GXYLT2: variants seen among roughly 807,000 people sequenced by gnomAD.
GXYLT2 encodes glycosyltransferase 8 domain containing 4.
Under a neutral mutation model 45.8 loss-of-function variants are expected in GXYLT2, and 53 were observed. The ratio of observed to expected loss-of-function variants is 1.16; its 90% CI spans 0.93 to 1.46. The LOEUF is 1.46. Among genes scored for constraint, GXYLT2 ranks in the 40% most tolerant of loss-of-function variants. The pLI is 0.00. For synonymous variants in GXYLT2, 219 were observed against 214.2 expected (o/e 1.02, Z -0.19); for missense variants, 551 against 544.4 (o/e 1.01, Z -0.12).
chr3:72,917,213 T>C (rs1709759062), intron 2 of GXYLT2, among the ~76,000 whole-genome samples: 1 of 152,122 alleles, frequency 6.6e-6, no homozygotes, highest in Non-Finnish European at 1.5e-5. Context: ...TGTTAGAGGA[T>C]GCCGAGAGCT....
rs191076883 is a variant in GXYLT2, at chr3:72,922,898, C to T, written c.600+563C>T. On this transcript the variant is annotated intron_variant, in intron 3 of 6. Coordinates refer to ENST00000389617, the MANE Select transcript of GXYLT2 (RefSeq NM_001080393.2). Reference sequence around the variant, plus strand: ...CTTGGGGAGGCCAAGGCAGGCGGATCACTTGAGCACAGGAGTTTGAGACCA... The same window carrying T: ...CTTGGGGAGGCCAAGGCAGGCGGATTACTTGAGCACAGGAGTTTGAGACCA... Among the ~76,000 whole-genome samples, 697 of 152,284 alleles carry T rather than the reference C, an allele frequency of 4.6e-3. 5 individuals carry two copies. Among genetic ancestry groups the T allele is most frequent in the African/African-American group, 0.016 (669 of 41,542 alleles).
chr3:72,888,274 C>T lies in GXYLT2; in HGVS notation c.41C>T (p.Ala14Val). Residue 14 changes from alanine (A) to valine (V), a missense_variant, in exon 1 of 7, where the codon GCG (alanine) becomes GTG (valine). Transcript: ENST00000389617. ...RSKAAALLLLALAALLLALLS... is the reference protein window; with the variant it reads ...RSKAAALLLLVLAALLLALLS... ...AAGGCGGCGGCGCTGCTCTTGCTCG[C>T]GCTGGCCGCGCTGCTGCTGGCGCTG... 1.0e-6 allele frequency: 1 copy of T among 994,476 alleles called. No individual in the cohort carries two copies. Among genetic ancestry groups the T allele is most frequent in the Non-Finnish European group, 1.2e-6 (1 of 838,504 alleles). The allele number at this position is 994,476 out of a possible 1,614,324, so 61.6% of individuals were successfully genotyped here. A position where few individuals can be genotyped will look rare whatever the true frequency, so the allele number is the denominator to read the frequency against.
At chr3:72,970,017 G>C (rs1257785206) in intron 6 of GXYLT2, among the ~76,000 whole-genome samples, 3 of 151,090 alleles carry the variant, frequency 2.0e-5, no homozygotes, top group South Asian at 2.1e-4. Flanking sequence ...TCAGGAGTTT[G>C]AGGTCAGCGC....
At chr3:72,898,892 C>T (rs889670473) in intron 1 of GXYLT2, among the ~76,000 whole-genome samples, 11 of 152,066 alleles carry the variant, frequency 7.2e-5, no homozygotes, top group South Asian at 2.1e-4. Context: ...CCACCATGCC[C>T]GGCTAATTTT....
intron 2 of GXYLT2, among the ~76,000 whole-genome samples, chr3:72,920,874 G>T (rs13317403): frequency 0.035 from 5,176 of 150,014 alleles, 116 homozygotes; most frequent in Middle Eastern, 0.11. Context: ...GAGTGCAGTG[G>T]CATGATCTCA....
intron 1 of GXYLT2, among the ~76,000 whole-genome samples, chr3:72,896,576 C>A (rs1292519786): frequency 6.7e-6 from 1 of 149,928 alleles, no homozygotes; most frequent in Admixed American, 6.7e-5. Context: ...TGGCCAGGCG[C>A]GGTGGCTTAA....
At chr3:72,967,929 A>G (rs948459496) in intron 6 of GXYLT2, among the ~76,000 whole-genome samples, 2 of 152,062 alleles carry the variant, frequency 1.3e-5, no homozygotes, top group African/African-American at 4.8e-5. Context: ...TACACCATTC[A>G]TTATCTTTTA....
intron 1 of GXYLT2, among the ~76,000 whole-genome samples, chr3:72,896,485 G>A (rs1709293707): frequency 6.6e-6 from 1 of 152,140 alleles, no homozygotes; most frequent in Admixed American, 6.5e-5. Context: ...ATGACTTGAG[G>A]AAACTGAGAC....
Position 72,890,838 on chromosome 3 carries a change from G to A in GXYLT2, c.275+2330G>A, listed in dbSNP as rs114795520. 9.7e-3 allele frequency among the ~76,000 whole-genome samples: 1,483 copies of A among 152,194 alleles called. 17 individuals are homozygous for A. Among genetic ancestry groups the A allele is most frequent in the Non-Finnish European group, 0.013 (859 of 68,014 alleles). ...TTTTGAACATATCTCTTAGATTATC[G>A]TGGAAATTATGGCCAACACCATAGG... On this transcript the variant is annotated intron_variant, in intron 1 of 6. Transcript: ENST00000389617.
At chr3:72,950,347 G>A (rs1050741825) in intron 3 of GXYLT2, among the ~76,000 whole-genome samples, 2 of 152,178 alleles carry the variant, frequency 1.3e-5, no homozygotes, top group Admixed American at 1.3e-4. Flanking sequence ...TGTAATCCCA[G>A]CTACTCCAGA....
intron 3 of GXYLT2, among the ~76,000 whole-genome samples, chr3:72,933,911 A>G (rs2107116967): frequency 6.6e-6 from 1 of 152,044 alleles, no homozygotes; most frequent in South Asian, 2.1e-4. Flanking sequence ...CTCAAAAATT[A>G]AGAATAATAA....
At chr3:72,915,470 A>C (rs1344434172) in intron 2 of GXYLT2, among the ~76,000 whole-genome samples, 1 of 151,386 alleles carries the variant, frequency 6.6e-6, no homozygotes, top group African/African-American at 2.4e-5. Flanking sequence ...TGCTCTGCAG[A>C]ACAAAACGAG....
intron 3 of GXYLT2, among the ~76,000 whole-genome samples, chr3:72,935,356 A>G (rs1710156220): frequency 6.6e-6 from 1 of 152,220 alleles, no homozygotes; most frequent in South Asian, 2.1e-4. Context: ...TAGCAATAAA[A>G]TGATCAGAAA....
rs1308422505 is a variant in GXYLT2, at chr3:72,929,175, A to G, written c.600+6840A>G. The G allele has an allele frequency of 9.4e-6, 15 of 1,588,956 alleles. No homozygotes were observed. The South Asian group carries it at 1.7e-4, about 17-fold the overall frequency. On this transcript the variant is annotated intron_variant, in intron 3 of 6. Coordinates refer to ENST00000389617, the MANE Select transcript of GXYLT2 (RefSeq NM_001080393.2). ...TCCATGTCTTACTACTTTGACCGCG[A>G]TGATGTGGCTTTGAAGAACTTTGCC...
intron 1 of GXYLT2, among the ~76,000 whole-genome samples, chr3:72,897,473 CAT>C (rs554137140): frequency 3.6e-4 from 55 of 152,334 alleles, no homozygotes; most frequent in African/African-American, 1.2e-3. Context: ...ACTTGAATAA[CAT>C]GTGTTTCCAA....
chr3:72,975,004 T>C lies in GXYLT2; in HGVS notation c.1177T>C (p.Ser393Pro), dbSNP rs1183514465. ...TCCCTTTCAAGACAATCTCTTTCAA[T>C]CCATGTATTACCCCCTTCAGCTGAA... ...DFPFQDNLFQ[S>P]MYYPLQLKFL... Residue 393 changes from serine (S) to proline (P), a missense_variant, in exon 7 of 7, where the codon TCC becomes CCC. Transcript: ENST00000389617. 6.3e-7 allele frequency: 1 copy of C among 1,594,054 alleles called. No homozygotes were observed. Among genetic ancestry groups the C allele is most frequent in the South Asian group, 1.1e-5 (1 of 87,970 alleles).
rs549504091 is a variant in GXYLT2 at position 72,973,195 on chromosome 3, G to A, written c.1150-1782G>A. ...GTCCAAAGTCCTGGGCTGGAGAGGA[G>A]TGTTCTACCAGCTGGGGGAGGGGCA... On this transcript the variant is annotated intron_variant, in intron 6 of 6. Coordinates refer to ENST00000389617, the MANE Select transcript of GXYLT2 (RefSeq NM_001080393.2). 3.3e-5 allele frequency among the ~76,000 whole-genome samples: 5 copies of A among 152,308 alleles called. No individual in the cohort carries two copies. The East Asian group carries it at 5.8e-4, about 18-fold the overall frequency.
intron 6 of GXYLT2, among the ~76,000 whole-genome samples, chr3:72,970,827 A>C (rs1233448025): frequency 6.6e-6 from 1 of 152,174 alleles, no homozygotes; most frequent in Non-Finnish European, 1.5e-5. Context: ...ATGCCATTGC[A>C]CTCCAGCCTG....
intron 3 of GXYLT2, among the ~76,000 whole-genome samples, chr3:72,924,704 A>G (rs1015685799): frequency 7.2e-5 from 11 of 151,954 alleles, no homozygotes; most frequent in Admixed American, 1.3e-4. Context: ...GAATTTACCA[A>G]CCTTCATGAT....
Sources: allele counts gnomAD v4.1 joint callset (sites outside exome capture counted in the v4.1 genomes callset), GRCh38; gene constraint gnomAD v4.1.1; transcripts MANE v1.5; gene names NCBI Gene and HGNC (gene_info 2026-07-23, HGNC 2026-07-21).